USP37: variants seen among roughly 807,000 people sequenced by gnomAD.
USP37 encodes the protein ubiquitin carboxyl-terminal hydrolase 37.
A neutral mutation model predicts 124.0 loss-of-function variants in USP37; 27 were observed. That is an observed-to-expected ratio of 0.22 (90% CI 0.16 to 0.30). The LOEUF (loss-of-function observed/expected upper bound fraction) is 0.30, where lower values mean the gene tolerates loss of function less well. USP37 is among the 10% of genes least tolerant of loss of function. The pLI is 1.00. For missense variants in USP37, 889 were observed against 1,140.4 expected (o/e 0.78, Z 3.17); for synonymous variants, 365 against 388.0 (o/e 0.94, Z 0.70).
In USP37 at chr2:218,451,335, A is replaced by G. The variant is rs1689471602; in HGVS notation, c.*3595T>C. 1 of 152,174 alleles carries G rather than the reference A, an allele frequency of 6.6e-6. No individual in the cohort carries two copies. Among genetic ancestry groups the G allele is most frequent in the South Asian group, 2.1e-4 (1 of 4,826 alleles). 9.4% of individuals were successfully genotyped at this position (152,174 alleles called of 1,614,324 possible). On this transcript the variant is annotated 3_prime_UTR_variant, in exon 26 of 26. Coordinates refer to ENST00000258399, the MANE Select transcript of USP37 (RefSeq NM_020935.3). ...ATACAAAATCCATATGTACTTGGAGATCCAGCTGTTGCCCCCTGTTTAAAA... is the reference window on the plus strand; with the variant it reads ...ATACAAAATCCATATGTACTTGGAGGTCCAGCTGTTGCCCCCTGTTTAAAA...
At chr2:218,501,042 T>TA (rs1491202012) in intron 11 of USP37, 1 of 105,684 alleles carries the variant, frequency 9.5e-6, no homozygotes, top group African/African-American at 9.7e-5. Context: ...ACATCCAATC[T>TA]TTTTTTTTTT....
chr2:218,544,604 C>T (rs1231713801), intron 8 of USP37, among the ~76,000 whole-genome samples: 2 of 151,778 alleles, frequency 1.3e-5, no homozygotes, highest in African/African-American at 4.8e-5. Context: ...AGAAAACAAA[C>T]AAGGAAAATC....
intron 4 of USP37, 81 bp from the exon 5 acceptor site, chr2:218,553,805 T>C (rs1323987192): frequency 3.8e-6 from 5 of 1,310,158 alleles, no homozygotes; most frequent in Non-Finnish European, 5.1e-6. Context: ...TACTAAACTT[T>C]ATACTTTCCA....
chr2:218,457,730 G>A (rs1339678966), intron 23 of USP37, among the ~76,000 whole-genome samples: 1 of 152,068 alleles, frequency 6.6e-6, no homozygotes, highest in Non-Finnish European at 1.5e-5. Context: ...TTCATGCACT[G>A]CAGACAGCAC....
intron 13 of USP37, among the ~76,000 whole-genome samples, chr2:218,497,123 T>C (rs1388333295): frequency 6.6e-6 from 1 of 152,124 alleles, no homozygotes; most frequent in Admixed American, 6.5e-5. Flanking sequence ...CAGGTTGGAG[T>C]GCAATGGTGC....
chr2:218,491,977 T>C (rs1350185626), intron 14 of USP37, among the ~76,000 whole-genome samples: 1 of 152,108 alleles, frequency 6.6e-6, no homozygotes, highest in Non-Finnish European at 1.5e-5. Flanking sequence ...AAGTGGGAAG[T>C]TGGCTTGAGC....
chr2:218,467,591 C>G (rs1690423066), intron 20 of USP37, among the ~76,000 whole-genome samples: 1 of 152,166 alleles, frequency 6.6e-6, no homozygotes, highest in Non-Finnish European at 1.5e-5. Context: ...TTGTGATCCG[C>G]CCACCTCAGC....
chr2:218,483,084 G>T (rs1691351083), intron 16 of USP37, among the ~76,000 whole-genome samples: 2 of 152,160 alleles, frequency 1.3e-5, no homozygotes, highest in South Asian at 4.1e-4. Flanking sequence ...TGAAGTTATA[G>T]ATTGTAGTTC....
chr2:218,511,590 G>A (rs764308992), intron 10 of USP37, among the ~76,000 whole-genome samples: 24 of 152,174 alleles, frequency 1.6e-4, no homozygotes, highest in African/African-American at 3.9e-4. Flanking sequence ...GATTACAGGC[G>A]TGAGCCACCA....
chr2:218,483,302 G>C (rs1167913423), intron 16 of USP37, among the ~76,000 whole-genome samples: 1 of 152,072 alleles, frequency 6.6e-6, no homozygotes, highest in Non-Finnish European at 1.5e-5. Flanking sequence ...AAAGGTGGGG[G>C]GGAAGGTAAT....
intron 2 of USP37, among the ~76,000 whole-genome samples, chr2:218,562,410 A>C (rs1182858597): frequency 6.6e-6 from 1 of 152,248 alleles, no homozygotes; most frequent in African/African-American, 2.4e-5. Context: ...CACAATTATT[A>C]AAATTACTGT....
intron 4 of USP37, 119 bp downstream of exon 4, chr2:218,558,379 T>C: frequency 1.1e-6 from 1 of 916,784 alleles, no homozygotes; most frequent in Non-Finnish European, 1.6e-6. Flanking sequence ...GTCCTAGAAA[T>C]AAGAAGCAAG....
chr2:218,556,961 C>G (rs1163702367), intron 4 of USP37, among the ~76,000 whole-genome samples: 1 of 152,140 alleles, frequency 6.6e-6, no homozygotes, highest in Non-Finnish European at 1.5e-5. Flanking sequence ...ATCACAGGCT[C>G]AAGCCATCTT....
In USP37 at chr2:218,450,428, A is replaced by G. The variant is rs1262241884; in HGVS notation, c.*4502T>C. 2 of 152,694 alleles carry G rather than the reference A, an allele frequency of 1.3e-5. No individual in the cohort carries two copies. Among genetic ancestry groups the G allele is most frequent in the Non-Finnish European group, 2.9e-5 (2 of 68,050 alleles). The allele number at this position is 152,694 out of a possible 1,614,324, so 9.5% of individuals were successfully genotyped here. On this transcript the variant is annotated 3_prime_UTR_variant, in exon 26 of 26. Coordinates refer to ENST00000258399, the MANE Select transcript of USP37 (RefSeq NM_020935.3). ...ATCAGAATCAAAAGTCACTCTGAAC[A>G]TAAAGAAAAAAAATCATCTCACAAA...
intron 10 of USP37, among the ~76,000 whole-genome samples, chr2:218,526,244 T>A (rs10179708): frequency 0.3 from 45,908 of 151,952 alleles, 7,969 homozygotes; most frequent in Non-Finnish European, 0.39. Flanking sequence ...TTATTTATTT[T>A]TTTTTTTGAG....
chr2:218,554,869 T>A (rs1229450590), intron 4 of USP37, among the ~76,000 whole-genome samples: 1 of 152,054 alleles, frequency 6.6e-6, no homozygotes, highest in Non-Finnish European at 1.5e-5. Flanking sequence ...AATTAAATAA[T>A]CCTCAAAAGA....
chr2:218,525,459 G>A (rs748961248), intron 10 of USP37, among the ~76,000 whole-genome samples: 1 of 152,224 alleles, frequency 6.6e-6, no homozygotes, highest in Non-Finnish European at 1.5e-5. Context: ...ACTCCAGGCT[G>A]GGTGACAGAG....
chr2:218,454,798 T>C lies in USP37; in HGVS notation c.*132A>G, dbSNP rs1574827015. 3 of 1,479,282 alleles carry C rather than the reference T, an allele frequency of 2.0e-6. No homozygotes were observed. The highest frequency in any genetic ancestry group is 2.3e-5 in the East Asian group (1 of 43,070). 91.6% of individuals were successfully genotyped at this position (1,479,282 alleles called of 1,614,324 possible). On this transcript the variant is annotated 3_prime_UTR_variant, in exon 26 of 26. Transcript: ENST00000258399. ...TTCTACGTTACTCCAATTTTTGTCTTTTGGTTTGGCCCTGAGCTGTTTGTT... is the reference window on the plus strand; with the variant it reads ...TTCTACGTTACTCCAATTTTTGTCTCTTGGTTTGGCCCTGAGCTGTTTGTT...
At chr2:218,538,490 C>T (rs1297772520) in intron 8 of USP37, among the ~76,000 whole-genome samples, 2 of 152,198 alleles carry the variant, frequency 1.3e-5, no homozygotes, top group Non-Finnish European at 2.9e-5. Context: ...AGACACTAAA[C>T]AATCAGCAGG....
Sources: allele counts gnomAD v4.1 joint callset (sites outside exome capture counted in the v4.1 genomes callset), GRCh38; gene constraint gnomAD v4.1.1; transcripts MANE v1.5; gene names NCBI Gene and HGNC (gene_info 2026-07-23, HGNC 2026-07-21).